Variants in USP19 observed in about 807,000 individuals in gnomAD.
USP19 encodes the protein ubiquitin carboxyl-terminal hydrolase 19.
USP19 carries 40 observed loss-of-function variants against 144.8 expected under a neutral mutation model. That is an observed-to-expected ratio of 0.28 (90% CI 0.21 to 0.36). USP19 has a LOEUF of 0.36. Among genes scored for constraint, USP19 ranks in the 10% least tolerant of loss-of-function variants. The probability of loss-of-function intolerance (pLI) is 1.00; values close to 1 mark genes in which losing one functional copy is unlikely to be tolerated. For missense variants in USP19, 1,518 were observed against 1,822.5 expected (o/e 0.83, Z 3.04); for synonymous variants, 701 against 709.3 (o/e 0.99, Z 0.19).
At position 49,114,037 on chromosome 3, in the gene USP19, G is replaced by C. The variant is rs371349872; in HGVS notation, c.2460C>G (p.Leu820=). The change falls in exon 17 of 27, where the codon CTC becomes CTG. Residue 820 remains leucine (L), a synonymous_variant. Coordinates refer to ENST00000417901, the MANE Select transcript of USP19 (RefSeq NM_001199161.2). The surrounding 1 kb of genome is among the most constrained non-coding windows in gnomAD (Gnocchi z 4.5). ...NSTASEVLDS[L]SQSVHVKPEN... is the part of the protein sequence containing the mutation. ...CAGGCTTCACATGAACACTCTGAGA[G>C]AGGGAGTCCAATACTTCGCTCGCAG... 4.3e-6 allele frequency: 7 copies of C among 1,614,130 alleles called. No individual in the cohort carries two copies. The African/African-American group carries it at 5.3e-5, about 12-fold the overall frequency.
rs780260431 is a variant in USP19, at chr3:49,115,658, C to T, written c.1693-19G>A. ...GCTTGGGCTGCAGGAGCAAAGACGACATGAGAGAACAGCCCCAAGACTCTC... is the reference window on the plus strand; with the variant it reads ...GCTTGGGCTGCAGGAGCAAAGACGATATGAGAGAACAGCCCCAAGACTCTC... On this transcript the variant is annotated intron_variant, in intron 11 of 26. Transcript: ENST00000417901. The surrounding 1 kb of genome is among the most constrained non-coding windows in gnomAD (Gnocchi z 6.6). 2 of 1,608,172 alleles carry T rather than the reference C, an allele frequency of 1.2e-6. No homozygotes were observed. Among genetic ancestry groups the T allele is most frequent in the South Asian group, 1.1e-5 (1 of 90,608 alleles).
intron 17 of USP19, 96 bp downstream of exon 17, chr3:49,113,896 T>G: frequency 7.5e-7 from 1 of 1,335,700 alleles, no homozygotes; most frequent in East Asian, 2.4e-5. Flanking sequence ...GCCCAGCCCA[T>G]GTGTATGTCT....
At position 49,111,658 on chromosome 3, in the gene USP19, G is replaced by A. The variant is rs980625486; in HGVS notation, c.3059C>T (p.Thr1020Ile). 1 of 1,604,110 alleles carries A rather than the reference G, an allele frequency of 6.2e-7. No homozygotes were observed. Among genetic ancestry groups the A allele is most frequent in the Non-Finnish European group, 8.5e-7 (1 of 1,174,498 alleles). Reference sequence around the variant, plus strand: ...CCCTGTGTCCCCCTCAGCCATAGGGGTCACCAGCTGGAGCTCAGGTGGCTG... The same window carrying A: ...CCCTGTGTCCCCCTCAGCCATAGGGATCACCAGCTGGAGCTCAGGTGGCTG... ...PIQPPELQLV[T>I]PMAEGDTGLP... is the part of the protein sequence containing the mutation. The change falls in exon 21 of 27, where the codon ACC becomes ATC. Residue 1020 changes from threonine to isoleucine, a missense_variant. Thr to Ile is a moderately conservative substitution (Grantham distance 89, BLOSUM62 -1). Around this residue, in one of 5 missense-constraint regions of USP19, gnomAD observed 413 missense variants for 515.8 expected, o/e 0.80. Transcript: ENST00000417901. The surrounding 1 kb of genome is among the most constrained non-coding windows in gnomAD (Gnocchi z 5.9).
rs1466017587 is a variant in USP19 at position 49,117,044 on chromosome 3, G to A, written c.909+15C>T. The A allele has an allele frequency of 2.6e-6, 4 of 1,519,854 alleles. No homozygotes were observed. Among genetic ancestry groups the A allele is most frequent in the Non-Finnish European group, 2.7e-6 (3 of 1,129,326 alleles). The allele number at this position is 1,519,854 out of a possible 1,614,324, so 94.1% of individuals were successfully genotyped here. A position where few individuals can be genotyped will look rare whatever the true frequency, so the allele number is the denominator to read the frequency against. On this transcript the variant is annotated intron_variant, in intron 6 of 26. Coordinates refer to ENST00000417901, the MANE Select transcript of USP19 (RefSeq NM_001199161.2). This position sits in a 1 kb window ranked among gnomAD's most constrained non-coding sequence, Gnocchi z 4.4. ...CCCCCATCTCCTAACACCCAAACAG[G>A]TGCCCAGCTCTCACCTGGGTGGCTG...
rs373453283 is a variant in USP19 at position 49,116,325 on chromosome 3, G to A, written c.1310C>T (p.Pro437Leu). The A allele has an allele frequency of 2.5e-4, 403 of 1,613,920 alleles. No homozygotes were observed. Among genetic ancestry groups the A allele is most frequent in the Non-Finnish European group, 3.0e-4 (356 of 1,180,022 alleles). ...TRDGNFLRLH[P>L]GCGPHTTFRW... ...GAAGGTGGTGTGGGGCCCACAGCCC[G>A]GGTGCAGCCTCAGGAAGTTTCCATC... The change falls in exon 9 of 27, where the codon CCG becomes CTG. Residue 437 changes from proline to leucine, a missense_variant. Physicochemically the swap from Pro to Leu is moderately conservative, Grantham distance 98. Transcript: ENST00000417901. This position sits in a 1 kb window ranked among gnomAD's most constrained non-coding sequence, Gnocchi z 5.0.
Position 49,115,196 on chromosome 3 carries a change from TC to T in USP19, c.2022+31del. 1 of 1,613,164 alleles carries T rather than the reference TC, an allele frequency of 6.2e-7. No homozygotes were observed. Among genetic ancestry groups the T allele is most frequent in the Non-Finnish European group, 8.5e-7 (1 of 1,179,746 alleles). On this transcript the variant is annotated intron_variant, in intron 13 of 26. Transcript: ENST00000417901. This position sits in a 1 kb window ranked among gnomAD's most constrained non-coding sequence, Gnocchi z 6.6. ...CAGCTGGCTGGCCCTCCCCGCCCCC[TC>T]CAGCCAAGGGTGACAGTGGTCACAG...
rs775086053 is a variant in USP19, at chr3:49,110,611, G to A, written c.3699-7C>T. The stretch of plus-strand genomic sequence containing the variant: ...CTTGCTCAGGTCCAGGTTCCTGCAG[G>A]TCAGGTCCAGTCAGGGAGGGGTGAG... On this transcript the variant is annotated splice_polypyrimidine_tract_variant and splice_region_variant and intron_variant, in intron 24 of 26. Transcript: ENST00000417901. This position sits in a 1 kb window ranked among gnomAD's most constrained non-coding sequence, Gnocchi z 6.1. 1.9e-5 allele frequency: 30 copies of A among 1,613,366 alleles called. No homozygotes were observed. The South Asian group carries it at 2.6e-4, about 14-fold the overall frequency.
rs1256430692 is a variant in USP19 at position 49,114,218 on chromosome 3, G to A, written c.2359C>T (p.Pro787Ser). The A allele has an allele frequency of 6.2e-7, 1 of 1,614,192 alleles. No homozygotes were observed. Among genetic ancestry groups the A allele is most frequent in the East Asian group, 2.2e-5 (1 of 44,888 alleles). ...VPLPQKQKVL[P>S]VFYFAREPHS... is the part of the protein sequence containing the mutation. ...GGCTCTCGGGCAAAATAAAAGACAG[G>A]GAGAACCTTTTGCTTTTGTGGCAAG... The change falls in exon 16 of 27, where the codon CCT becomes TCT. Residue 787 changes from proline to serine, a missense_variant. Coordinates refer to ENST00000417901, the MANE Select transcript of USP19 (RefSeq NM_001199161.2). The surrounding 1 kb of genome is among the most constrained non-coding windows in gnomAD (Gnocchi z 4.5).
intron 17 of USP19, among the ~76,000 whole-genome samples, chr3:49,113,261 T>C (rs2043470777): frequency 1.3e-5 from 2 of 152,204 alleles, no homozygotes; most frequent in African/African-American, 4.8e-5. Flanking sequence ...TACTCATGTG[T>C]ATGTCTATTT....
rs778537635 is a variant in USP19 at position 49,116,964 on chromosome 3, G to A, written c.910-21C>T. 4.5e-5 allele frequency: 73 copies of A among 1,608,780 alleles called. No homozygotes were observed. Among genetic ancestry groups the A allele is most frequent in the Non-Finnish European group, 8.5e-7 (1 of 1,177,246 alleles). On this transcript the variant is annotated intron_variant, in intron 6 of 26. Transcript: ENST00000417901. The surrounding 1 kb of genome is among the most constrained non-coding windows in gnomAD (Gnocchi z 5.0). Reference sequence around the variant, plus strand: ...TCAACCTATTAATGGCAAGATTGTGGAAAGAATCAGCCCTGGGTCTGCCAG... The same window carrying A: ...TCAACCTATTAATGGCAAGATTGTGAAAAGAATCAGCCCTGGGTCTGCCAG...
Position 49,115,839 on chromosome 3 carries a change from C to T in USP19, c.1577G>A (p.Arg526Gln), listed in dbSNP as rs1575473993. 3.1e-6 allele frequency: 5 copies of T among 1,613,024 alleles called. No individual in the cohort carries two copies. Among genetic ancestry groups the T allele is most frequent in the Non-Finnish European group, 3.4e-6 (4 of 1,179,384 alleles). Residue 526 changes from arginine (R) to glutamine (Q), a missense_variant, in exon 11 of 27, where the codon CGG (arginine) becomes CAG (glutamine). Physicochemically the swap from Arg to Gln is conservative, Grantham distance 43. Coordinates refer to ENST00000417901, the MANE Select transcript of USP19 (RefSeq NM_001199161.2). The surrounding 1 kb of genome is among the most constrained non-coding windows in gnomAD (Gnocchi z 6.6). ...CTTGGATTTATCCTTCTCCACAGCCCGGGCCTCCTCCTGGCCTGTCAGGGG... is the reference window on the plus strand; with the variant it reads ...CTTGGATTTATCCTTCTCCACAGCCTGGGCCTCCTCCTGGCCTGTCAGGGG... Reference protein sequence around the residue: ...PHPLTGQEEARAVEKDKSKAR... With the variant: ...PHPLTGQEEAQAVEKDKSKAR...
At position 49,115,583 on chromosome 3, in the gene USP19, G is replaced by A. The variant is rs369802491; in HGVS notation, c.1749C>T (p.Ser583=). ...PMPHSPVSGD[S]VEEEEEEEKK... is the part of the protein sequence containing the mutation. ...TCTCTTCCTCTTCCTCCTCCTCCAC[G>A]CTGTCTCCACTAACTGGGCTGTGGG... Residue 583 remains serine, a synonymous_variant, in exon 12 of 27, where the codon AGC becomes AGT. Coordinates refer to ENST00000417901, the MANE Select transcript of USP19 (RefSeq NM_001199161.2). This position sits in a 1 kb window ranked among gnomAD's most constrained non-coding sequence, Gnocchi z 6.6. 246 of 1,611,964 alleles carry A rather than the reference G, an allele frequency of 1.5e-4. 1 individual carries two copies. The highest frequency in any genetic ancestry group is 1.5e-3 in the Middle Eastern group (9 of 6,060).
At position 49,110,202 on chromosome 3, in the gene USP19, A is replaced by G; in HGVS notation, c.4020T>C (p.Ala1340=). The G allele has an allele frequency of 6.6e-7, 1 of 1,523,516 alleles. No homozygotes were observed. The allele number at this position is 1,523,516 out of a possible 1,614,324, so 94.4% of individuals were successfully genotyped here. The change falls in exon 26 of 27, where the codon GCT becomes GCC. Residue 1340 remains alanine (A), a synonymous_variant. Coordinates refer to ENST00000417901, the MANE Select transcript of USP19 (RefSeq NM_001199161.2). The surrounding 1 kb of genome is among the most constrained non-coding windows in gnomAD (Gnocchi z 6.1). The part of the protein sequence containing the change: ...SEHHPDLGPA[A]EAAASQGLGP... ...GCCTCACCTGGCTGGCAGCAGCCTCAGCTGCAGGGCCTAGGTCTGGGTGGT... is the reference window on the plus strand; with the variant it reads ...GCCTCACCTGGCTGGCAGCAGCCTCGGCTGCAGGGCCTAGGTCTGGGTGGT...
At position 49,114,081 on chromosome 3, in the gene USP19, C is replaced by G. The variant is rs192720246; in HGVS notation, c.2416G>C (p.Val806Leu). Residue 806 changes from valine to leucine, a missense_variant, in exon 17 of 27, where the codon GTC (valine) becomes CTC (leucine). Val to Leu is a conservative substitution (Grantham distance 32). Coordinates refer to ENST00000417901, the MANE Select transcript of USP19 (RefSeq NM_001199161.2). This position sits in a 1 kb window ranked among gnomAD's most constrained non-coding sequence, Gnocchi z 4.5. ...HSKPIKFLVS[V>L]SKENSTASEV... ...CTCGCAGTGGAGTTCTCCTTGCTGA[C>G]GCTCACCAGGAACTGTGGCAAAAAG... is the stretch of plus-strand genomic sequence containing the variant. 4 of 1,614,208 alleles carry G rather than the reference C, an allele frequency of 2.5e-6. No homozygotes were observed. The South Asian group carries it at 4.4e-5, about 18-fold the overall frequency.
At chr3:49,120,467 C>A (rs916334249) in intron 1 of USP19, 1 of 152,292 alleles carries the variant, frequency 6.6e-6, no homozygotes. Context: ...GGGTTACTGA[C>A]CACAGATCAG....
intron 17 of USP19, among the ~76,000 whole-genome samples, chr3:49,113,211 AAAT>A (rs1232938271): frequency 1.3e-5 from 2 of 152,210 alleles, no homozygotes; most frequent in African/African-American, 4.8e-5. Context: ...TGCACAGAAA[AAAT>A]AACAGCACAT....
Position 49,116,885 on chromosome 3 carries a change from C to G in USP19, c.968G>C (p.Gly323Ala). ...CAAAGGGGCTAAATTCTCCTCTGAG[C>G]CCAGGAGGCAGGTTTGGGAGTTCAG... is the stretch of plus-strand genomic sequence containing the variant. ...PPLNSQTCLL[G>A]SEENLAPLAG... Residue 323 changes from glycine to alanine, a missense_variant, in exon 7 of 27, where the codon GGC becomes GCC. Gly to Ala is a moderately conservative substitution (Grantham distance 60, BLOSUM62 0). Around this residue, in one of 5 missense-constraint regions of USP19, gnomAD observed 707 missense variants for 728.9 expected, o/e 0.97. Coordinates refer to ENST00000417901, the MANE Select transcript of USP19 (RefSeq NM_001199161.2). This position sits in a 1 kb window ranked among gnomAD's most constrained non-coding sequence, Gnocchi z 5.0. 1.2e-6 allele frequency: 2 copies of G among 1,614,140 alleles called. No homozygotes were observed. The highest frequency in any genetic ancestry group is 1.7e-6 in the Non-Finnish European group (2 of 1,180,024).
In USP19 at chr3:49,111,694, C is replaced by T. The variant is rs775188484; in HGVS notation, c.3023G>A (p.Arg1008Lys). The T allele has an allele frequency of 6.3e-7, 1 of 1,597,030 alleles. No individual in the cohort carries two copies. Among genetic ancestry groups the T allele is most frequent in the Admixed American group, 1.7e-5 (1 of 58,558 alleles). ...GAGCTCAGGTGGCTGAATGGGGTCTCTCTCGCTGTCCCCAGCCTCCAGGGA... is the reference window on the plus strand; with the variant it reads ...GAGCTCAGGTGGCTGAATGGGGTCTTTCTCGCTGTCCCCAGCCTCCAGGGA... ...TGSLEAGDSE[R>K]DPIQPPELQL... Residue 1008 changes from arginine to lysine, a missense_variant, in exon 21 of 27, where the codon AGA (arginine) becomes AAA (lysine). Transcript: ENST00000417901. The surrounding 1 kb of genome is among the most constrained non-coding windows in gnomAD (Gnocchi z 5.9).
intron 17 of USP19, 90 bp downstream of exon 17, chr3:49,113,902 T>G: frequency 7.2e-7 from 1 of 1,386,426 alleles, no homozygotes; most frequent in East Asian, 2.3e-5. Flanking sequence ...CCCATGTGTA[T>G]GTCTGTAGAT....
Sources: allele counts gnomAD v4.1 joint callset (sites outside exome capture counted in the v4.1 genomes callset), GRCh38; gene constraint gnomAD v4.1.1; regional missense constraint gnomAD v4.1.1; non-coding constraint Gnocchi (gnomAD v3.1); transcripts MANE v1.5; gene names NCBI Gene and HGNC (gene_info 2026-07-23, HGNC 2026-07-21).